EDNRB: variants seen among roughly 807,000 people sequenced by gnomAD.
EDNRB encodes Hirschsprung disease 2.
In EDNRB, 18 loss-of-function variants were observed where a neutral mutation model predicts 46.4. The observed-to-expected ratio is 0.39, with a 90% CI of 0.27 to 0.57. EDNRB has a LOEUF of 0.57. Ranked by LOEUF, EDNRB falls within the 20% of genes least tolerant of loss-of-function variation. The pLI, the probability that EDNRB is intolerant of heterozygous loss-of-function variation, is 0.61. For synonymous variants in EDNRB, 213 were observed against 204.9 expected (o/e 1.04, Z -0.34); for missense variants, 434 against 537.5 (o/e 0.81, Z 1.90).
intron 1 of EDNRB, among the ~76,000 whole-genome samples, chr13:77,934,682 G>GA (rs1376849958): frequency 1.4e-5 from 2 of 142,834 alleles, no homozygotes; most frequent in African/African-American, 2.8e-5. Flanking sequence ...GTAGGAAAGG[G>GA]GGGGGGGGGC....
At chr13:77,921,649 A>G (rs573567295), upstream of EDNRB, among the ~76,000 whole-genome samples, 3 of 152,246 alleles carry the variant, frequency 2.0e-5, no homozygotes, top group Non-Finnish European at 4.4e-5. Context: ...AGTGTTCTAG[A>G]CATCAGTAAT....
At chr13:77,964,680 T>G (rs1285663479) in intron 1 of EDNRB, among the ~76,000 whole-genome samples, 1 of 152,116 alleles carries the variant, frequency 6.6e-6, no homozygotes, top group African/African-American at 2.4e-5. Context: ...CTAATGTAAA[T>G]GAAGAGTTAA....
At chr13:77,953,016 A>G (rs939085860) in intron 1 of EDNRB, among the ~76,000 whole-genome samples, 1 of 152,188 alleles carries the variant, frequency 6.6e-6, no homozygotes, top group Non-Finnish European at 1.5e-5. Context: ...ATCTCAAGAC[A>G]CTGGATTCCA....
At position 77,918,787 on chromosome 13, in the gene EDNRB, C is replaced by T; in HGVS notation, c.-214G>A. The T allele has an allele frequency of 7.6e-7, 1 of 1,324,058 alleles. No individual in the cohort carries two copies. 82.0% of individuals were successfully genotyped at this position (1,324,058 alleles called of 1,614,324 possible). A position where few individuals can be genotyped will look rare whatever the true frequency, so the allele number is the denominator to read the frequency against. On this transcript the variant is annotated 5_prime_UTR_variant, in exon 1 of 7. Transcript: ENST00000646607. This position sits in a 1 kb window ranked among gnomAD's most constrained non-coding sequence, Gnocchi z 4.5. ...AAACTTGGCGCTCATGACTCGCCAG[C>T]GCGGGTCGAAACTCCTTCCTGATGC... is the stretch of plus-strand genomic sequence containing the variant.
intron 1 of EDNRB, among the ~76,000 whole-genome samples, chr13:77,950,673 A>G (rs2137673953): frequency 6.6e-6 from 1 of 152,344 alleles, no homozygotes; most frequent in East Asian, 1.9e-4. Flanking sequence ...ATTTCATCCC[A>G]GTTTCCCTCC....
At chr13:77,934,582 A>T (rs1355610545) in intron 1 of EDNRB, among the ~76,000 whole-genome samples, 6 of 151,084 alleles carry the variant, frequency 4.0e-5, no homozygotes, top group African/African-American at 1.5e-4. Context: ...GTCTACTCAG[A>T]CTAAGAGGTA....
Position 77,918,328 on chromosome 13 carries a change from T to C in EDNRB, c.246A>G (p.Pro82=), listed in dbSNP as rs750788278. The C allele has an allele frequency of 1.2e-5, 19 of 1,611,040 alleles. No individual in the cohort carries two copies. Among genetic ancestry groups the C allele is most frequent in the Non-Finnish European group, 1.5e-5 (18 of 1,178,610 alleles). ...PKGDRTAGSP[P]RTISPPPCQG... ...GGCACGGGGGAGGGGAGATGGTGCG[T>C]GGCGGAGATCCTGCCGTCCTGTCTC... Residue 82 remains proline (P), a synonymous_variant, in exon 1 of 7, where the codon CCA becomes CCG. Transcript: ENST00000646607. This position sits in a 1 kb window ranked among gnomAD's most constrained non-coding sequence, Gnocchi z 4.5.
At chr13:77,952,454 A>G (rs1881119287) in intron 1 of EDNRB, among the ~76,000 whole-genome samples, 1 of 152,152 alleles carries the variant, frequency 6.6e-6, no homozygotes, top group Non-Finnish European at 1.5e-5. Context: ...CTTAACTGCA[A>G]ACATCTGGAG....
At chr13:77,922,487 C>T (rs1880113614), upstream of EDNRB, among the ~76,000 whole-genome samples, 1 of 152,156 alleles carries the variant, frequency 6.6e-6, no homozygotes, top group South Asian at 2.1e-4. Flanking sequence ...CTATGTTGAA[C>T]TCTCTAAATC....
At chr13:77,913,777 G>A (rs978604503) in intron 1 of EDNRB, among the ~76,000 whole-genome samples, 19 of 152,032 alleles carry the variant, frequency 1.2e-4, no homozygotes, top group Non-Finnish European at 2.5e-4. Flanking sequence ...AAGTATACCC[G>A]GCTGTCTTGC....
chr13:77,950,350 C>A (rs1355156733), intron 1 of EDNRB, among the ~76,000 whole-genome samples: 1 of 152,162 alleles, frequency 6.6e-6, no homozygotes, highest in Non-Finnish European at 1.5e-5. Flanking sequence ...GTAGTACTTG[C>A]TGGGCTGAGT....
chr13:77,920,156 G>C (rs1464023303), upstream of EDNRB, among the ~76,000 whole-genome samples: 3 of 152,058 alleles, frequency 2.0e-5, no homozygotes, highest in African/African-American at 7.2e-5. Context: ...GCAATCTCAG[G>C]CATTTTTATA....
At chr13:77,941,870 T>C (rs1300775175) in intron 1 of EDNRB, among the ~76,000 whole-genome samples, 3 of 152,236 alleles carry the variant, frequency 2.0e-5, no homozygotes, top group African/African-American at 4.8e-5. Flanking sequence ...TAAGGAGTTA[T>C]AGGAGATGTT....
chr13:77,919,293 C>A, upstream of EDNRB: 1 of 1,254,498 alleles, frequency 8.0e-7, no homozygotes, highest in Non-Finnish European at 1.1e-6. Context: ...TCTCTATAGG[C>A]TTAATTTTTA....
chr13:77,941,222 G>T (rs1271853744), intron 1 of EDNRB, among the ~76,000 whole-genome samples: 1 of 152,212 alleles, frequency 6.6e-6, no homozygotes, highest in South Asian at 2.1e-4. Flanking sequence ...AGAAGAATCA[G>T]AGAAGCCAAG....
chr13:77,955,681 T>C (rs1881214578), intron 1 of EDNRB, among the ~76,000 whole-genome samples: 1 of 152,190 alleles, frequency 6.6e-6, no homozygotes, highest in Non-Finnish European at 1.5e-5. Flanking sequence ...ATTTCATTCT[T>C]TTGCTTGTAA....
upstream of EDNRB, among the ~76,000 whole-genome samples, chr13:77,924,642 T>G (rs1373978145): frequency 1.3e-5 from 2 of 152,228 alleles, no homozygotes; most frequent in Non-Finnish European, 2.9e-5. Context: ...CTCTGTAACT[T>G]TTTCATCTTG....
chr13:77,930,325 CTTGT>C (rs769516935), intron 1 of EDNRB, among the ~76,000 whole-genome samples: 3 of 152,108 alleles, frequency 2.0e-5, no homozygotes, highest in Admixed American at 1.3e-4. Context: ...ATTCAGATGA[CTTGT>C]TTATTTCAAG....
At chr13:77,939,003 C>CCACCAAA in intron 1 of EDNRB, among the ~76,000 whole-genome samples, 1 of 152,322 alleles carries the variant, frequency 6.6e-6, no homozygotes, top group African/African-American at 2.4e-5. Context: ...TGTGAAGAGA[C>CCACCAAA]CACCAAACAG....
Sources: gnomAD v4.1 joint callset for allele counts (sites outside exome capture counted in the v4.1 genomes callset) on GRCh38, gnomAD v4.1.1 for gene constraint, Gnocchi (gnomAD v3.1) non-coding constraint, MANE v1.5 for transcripts, NCBI Gene and HGNC (gene_info 2026-07-23, HGNC 2026-07-21) for gene names.